LY96: variants seen among roughly 807,000 people sequenced by gnomAD.
LY96 encodes the protein lymphocyte antigen 96.
A neutral mutation model predicts 18.9 loss-of-function variants in LY96; 18 were observed. That is an observed-to-expected ratio of 0.95 (90% CI 0.66 to 1.41). The LOEUF is 1.41. LY96 is among the 40% of genes most tolerant of loss of function. The pLI is 0.00. For missense variants in LY96, 175 were observed against 182.4 expected, an observed-to-expected ratio of 0.96 and a Z score of 0.23; for synonymous variants, 66 against 62.6, an observed-to-expected ratio of 1.06 and a Z score of -0.26.
At chr8:74,046,906 T>C in the LY96 span, among the ~76,000 whole-genome samples, 3,471 of 150,054 alleles carry the variant, frequency 0.023, 121 homozygotes, top group African/African-American at 0.079. Context: ...TCTCATTCTT[T>C]TTTTTTTTTT....
At chr8:74,022,727 T>C (rs28667879) in intron 3 of LY96, among the ~76,000 whole-genome samples, 8,517 of 151,870 alleles carry the variant, frequency 0.056, 781 homozygotes, top group African/African-American at 0.19. Flanking sequence ...TATAGGTGCA[T>C]GCCACCACGC....
At chr8:74,050,369 T>C in the LY96 span, among the ~76,000 whole-genome samples, 1 of 151,716 alleles carries the variant, frequency 6.6e-6, no homozygotes, top group African/African-American at 2.4e-5. Flanking sequence ...AAAATAAATT[T>C]AGTATGAATT....
chr8:74,088,016 T>A, the LY96 span, among the ~76,000 whole-genome samples: 2 of 151,986 alleles, frequency 1.3e-5, no homozygotes, highest in Admixed American at 6.6e-5. Flanking sequence ...CCCATCTACC[T>A]GAGGCTTTTT....
the LY96 span, among the ~76,000 whole-genome samples, chr8:74,081,797 G>A: frequency 6.6e-6 from 1 of 152,106 alleles, no homozygotes; most frequent in Non-Finnish European, 1.5e-5. Context: ...GGGGCTACAG[G>A]TGTGCACCAC....
intron 1 of LY96, among the ~76,000 whole-genome samples, chr8:73,999,657 T>A (rs1054952761): frequency 3.9e-5 from 6 of 152,176 alleles, no homozygotes; most frequent in Admixed American, 3.9e-4. Flanking sequence ...TTCTAACAAC[T>A]TTTTTACATT....
Position 74,029,017 on chromosome 8 carries a change from TG to T in LY96, c.448del (p.Glu150SerfsTer15). The T allele has an allele frequency of 6.2e-7, 1 of 1,612,108 alleles. No homozygotes were observed. The highest frequency in any genetic ancestry group is 8.5e-7 in the Non-Finnish European group (1 of 1,178,756). Reference sequence around the variant, plus strand: ...AGCCCAGAAGAAATGCTCTTTTGCTTGGAGTTTGTCATCCTACACCAACCTA... The same window carrying T: ...AGCCCAGAAGAAATGCTCTTTTGCTTGAGTTTGTCATCCTACACCAACCTA... ...SGSPEEMLFC[L>X]EFVILHQPNS... is the part of the protein sequence containing the mutation. On this transcript the variant is annotated frameshift_variant, in exon 5 of 5. Coordinates refer to ENST00000284818, the MANE Select transcript of LY96 (RefSeq NM_015364.5). LOFTEE classifies it high-confidence loss of function.
At chr8:74,016,469 A>C (rs1234516571) in intron 3 of LY96, among the ~76,000 whole-genome samples, 1 of 152,222 alleles carries the variant, frequency 6.6e-6, no homozygotes, top group South Asian at 2.1e-4. Flanking sequence ...AAACTTCTGC[A>C]GACTTAAAGG....
the LY96 span, among the ~76,000 whole-genome samples, chr8:74,066,049 A>G: frequency 1.2e-4 from 18 of 152,304 alleles, 1 homozygote; most frequent in East Asian, 2.9e-3. Flanking sequence ...CTGGGTTGCT[A>G]TAACACAATA....
chr8:74,012,108 A>T (rs982647093), intron 3 of LY96, among the ~76,000 whole-genome samples: 9 of 152,240 alleles, frequency 5.9e-5, no homozygotes, highest in Non-Finnish European at 1.0e-4. Flanking sequence ...AAATTAGTAT[A>T]GTCTATGGAA....
chr8:74,088,655 G>A, the LY96 span, among the ~76,000 whole-genome samples: 3 of 152,032 alleles, frequency 2.0e-5, no homozygotes, highest in African/African-American at 7.2e-5. Context: ...GCACGATCTC[G>A]GCTCACTGCA....
chr8:74,071,833 T>C, the LY96 span, among the ~76,000 whole-genome samples: 1 of 152,212 alleles, frequency 6.6e-6, no homozygotes, highest in African/African-American at 2.4e-5. Flanking sequence ...TTGATTCACA[T>C]TGTGTGTAGT....
the LY96 span, among the ~76,000 whole-genome samples, chr8:74,083,105 T>G: frequency 2.6e-5 from 4 of 152,310 alleles, no homozygotes; most frequent in Non-Finnish European, 5.9e-5. Context: ...TATACAGATG[T>G]TTATATGTAT....
chr8:74,072,491 G>GT, the LY96 span, among the ~76,000 whole-genome samples: 2 of 152,206 alleles, frequency 1.3e-5, no homozygotes, highest in East Asian at 1.9e-4. Context: ...TGGACATTTA[G>GT]TTTTTTCCCA....
At chr8:74,062,068 T>A in the LY96 span, among the ~76,000 whole-genome samples, 1 of 152,368 alleles carries the variant, frequency 6.6e-6, no homozygotes, top group East Asian at 1.9e-4. Flanking sequence ...GCCAATTTTA[T>A]GGGTAACAAA....
At chr8:74,039,693 C>T in the LY96 span, among the ~76,000 whole-genome samples, 3 of 152,268 alleles carry the variant, frequency 2.0e-5, no homozygotes, top group South Asian at 2.1e-4. Context: ...AGGCAGCATA[C>T]GTCAGCGTTT....
At chr8:74,035,577 A>G in the LY96 span, among the ~76,000 whole-genome samples, 957 of 152,316 alleles carry the variant, frequency 6.3e-3, 9 homozygotes, top group Non-Finnish European at 7.9e-3. Context: ...TCAGGCAATG[A>G]CAGGAAGGGG....
the LY96 span, among the ~76,000 whole-genome samples, chr8:74,098,443 T>C: frequency 6.6e-6 from 1 of 152,176 alleles, no homozygotes; most frequent in African/African-American, 2.4e-5. Flanking sequence ...TGGCATGATC[T>C]TGGCTCAGTG....
At chr8:74,038,301 C>T in the LY96 span, among the ~76,000 whole-genome samples, 1 of 152,098 alleles carries the variant, frequency 6.6e-6, no homozygotes, top group Non-Finnish European at 1.5e-5. Context: ...ATCTTTTAAA[C>T]TATTTTTTTT....
chr8:74,023,767 C>T (rs936907022), intron 3 of LY96, among the ~76,000 whole-genome samples: 29 of 152,098 alleles, frequency 1.9e-4, no homozygotes, highest in African/African-American at 6.8e-4. Flanking sequence ...ATGTAATCTC[C>T]GTGATTCTAC....
Sources: allele counts gnomAD v4.1 joint callset (sites outside exome capture counted in the v4.1 genomes callset), GRCh38; gene constraint gnomAD v4.1.1; transcripts MANE v1.5; gene names NCBI Gene and HGNC (gene_info 2026-07-23, HGNC 2026-07-21).